DLG2: variants seen among roughly 807,000 people sequenced by gnomAD.
The protein encoded by DLG2 is discs large MAGUK scaffold protein 2.
A neutral mutation model predicts 132.5 loss-of-function variants in DLG2; 45 were observed. That is an observed-to-expected ratio of 0.34 (90% CI 0.27 to 0.44). DLG2 has a LOEUF of 0.44. Among genes scored for constraint, DLG2 ranks in the 20% least tolerant of loss-of-function variants. The probability of loss-of-function intolerance (pLI) is 1.00; values close to 1 mark genes in which losing one functional copy is unlikely to be tolerated. For missense variants in DLG2, 1,045 were observed against 1,196.9 expected, an observed-to-expected ratio of 0.87 and a Z score of 1.87; for synonymous variants, 424 against 419.6, an observed-to-expected ratio of 1.01 and a Z score of -0.13.
chr11:85,384,966 A>G (rs978377111), intron 3 of DLG2, among the ~76,000 whole-genome samples: 2 of 152,240 alleles, frequency 1.3e-5, no homozygotes, highest in African/African-American at 4.8e-5. Flanking sequence ...ATGAGAAAAA[A>G]TAAAATTACA....
intron 6 of DLG2, among the ~76,000 whole-genome samples, chr11:84,984,865 G>T (rs952462786): frequency 6.6e-6 from 1 of 152,106 alleles, no homozygotes; most frequent in African/African-American, 2.4e-5. Context: ...AAAATTTAAA[G>T]CAACAGCAGT....
intron 11 of DLG2, among the ~76,000 whole-genome samples, chr11:84,042,615 T>G (rs1196598662): frequency 6.6e-6 from 1 of 151,932 alleles, no homozygotes; most frequent in African/African-American, 2.4e-5. Flanking sequence ...ATCAAGTTTA[T>G]TCTCTTCTTT....
chr11:84,026,499 T>G (rs1025907110), intron 11 of DLG2, among the ~76,000 whole-genome samples: 1 of 152,096 alleles, frequency 6.6e-6, no homozygotes, highest in Non-Finnish European at 1.5e-5. Flanking sequence ...ATCAGAGAAA[T>G]AAGCAAAATA....
intron 9 of DLG2, among the ~76,000 whole-genome samples, chr11:84,115,258 T>C (rs1388461102): frequency 2.0e-5 from 3 of 152,326 alleles, no homozygotes; most frequent in Admixed American, 2.0e-4. Context: ...TATTCATTGG[T>C]ATTCAAACAA....
chr11:83,554,323 G>T (rs6592126), intron 19 of DLG2, among the ~76,000 whole-genome samples: 2,295 of 152,266 alleles, frequency 0.015, 60 homozygotes, highest in African/African-American at 0.052. Context: ...GAAAATGTTT[G>T]TAAGACTTGG....
At chr11:83,954,122 A>C (rs1016647273) in intron 14 of DLG2, among the ~76,000 whole-genome samples, 2 of 152,188 alleles carry the variant, frequency 1.3e-5, no homozygotes, top group African/African-American at 4.8e-5. Flanking sequence ...AATGATAAAT[A>C]TCTATAGGAG....
At chr11:83,634,870 G>A (rs764758790) in intron 18 of DLG2, among the ~76,000 whole-genome samples, 48 of 152,294 alleles carry the variant, frequency 3.2e-4, no homozygotes, top group Non-Finnish European at 5.4e-4. Flanking sequence ...TAGTTGGCTG[G>A]AAATTTCTGG....
chr11:83,799,728 G>A (rs1376634721), intron 17 of DLG2, among the ~76,000 whole-genome samples: 1 of 152,162 alleles, frequency 6.6e-6, no homozygotes. Flanking sequence ...TGGAGAGTGG[G>A]TTTGGGTGGG....
chr11:85,351,877 T>G (rs1288453558), intron 3 of DLG2, among the ~76,000 whole-genome samples: 1 of 152,208 alleles, frequency 6.6e-6, no homozygotes, highest in Non-Finnish European at 1.5e-5. Context: ...TCTCTTTTTT[T>G]GTTGCGTCCC....
At chr11:84,048,267 T>C (rs575187121) in intron 11 of DLG2, among the ~76,000 whole-genome samples, 2 of 151,750 alleles carry the variant, frequency 1.3e-5, no homozygotes, top group African/African-American at 4.8e-5. Flanking sequence ...AGTTCACCAC[T>C]TTCTTTCTTA....
chr11:84,083,198 T>A (rs2096928172), intron 10 of DLG2, among the ~76,000 whole-genome samples: 1 of 152,166 alleles, frequency 6.6e-6, no homozygotes, highest in South Asian at 2.1e-4. Context: ...GAGAATCGCT[T>A]GAACCCAGGA....
chr11:84,479,913 C>T (rs1011198845), intron 7 of DLG2, among the ~76,000 whole-genome samples: 1 of 152,074 alleles, frequency 6.6e-6, no homozygotes, highest in African/African-American at 2.4e-5. Flanking sequence ...AAGATATTGG[C>T]ACTTAAGGGA....
intron 2 of DLG2, among the ~76,000 whole-genome samples, chr11:85,613,618 T>C (rs1248154177): frequency 6.6e-6 from 1 of 152,122 alleles, no homozygotes; most frequent in Non-Finnish European, 1.5e-5. Context: ...AGCTAAAGGT[T>C]TGTAAATGCA....
At chr11:84,825,448 A>G (rs1052149316) in intron 6 of DLG2, among the ~76,000 whole-genome samples, 2 of 151,926 alleles carry the variant, frequency 1.3e-5, no homozygotes, top group African/African-American at 4.8e-5. Context: ...GTTTCTTCTT[A>G]AAGAGACACC....
At chr11:84,219,130 T>C (rs948254938) in intron 8 of DLG2, among the ~76,000 whole-genome samples, 1 of 152,232 alleles carries the variant, frequency 6.6e-6, no homozygotes, top group Non-Finnish European at 1.5e-5. Flanking sequence ...AATTTCTGAA[T>C]GTAATTCCAA....
intron 14 of DLG2, among the ~76,000 whole-genome samples, chr11:83,931,475 C>T (rs1390136320): frequency 6.6e-6 from 1 of 152,124 alleles, no homozygotes; most frequent in Non-Finnish European, 1.5e-5. Context: ...ATGATGTTTC[C>T]AATTTTCTCC....
intron 6 of DLG2, among the ~76,000 whole-genome samples, chr11:84,983,884 G>A (rs1566574836): frequency 6.6e-6 from 1 of 151,982 alleles, no homozygotes; most frequent in Non-Finnish European, 1.5e-5. Flanking sequence ...AATCGAAGAA[G>A]CAGAAGAAAG....
At chr11:85,322,640 A>T (rs1173865446) in intron 3 of DLG2, among the ~76,000 whole-genome samples, 1 of 152,150 alleles carries the variant, frequency 6.6e-6, no homozygotes, top group Non-Finnish European at 1.5e-5. Flanking sequence ...AACCAAAAAC[A>T]AAAACAATAA....
intron 18 of DLG2, among the ~76,000 whole-genome samples, chr11:83,694,123 G>T (rs1008731790): frequency 1.3e-5 from 2 of 152,184 alleles, no homozygotes; most frequent in Non-Finnish European, 2.9e-5. Context: ...AAGCAAAGCC[G>T]TGTCCCCAGG....
Sources: allele counts gnomAD v4.1 joint callset (sites outside exome capture counted in the v4.1 genomes callset), GRCh38; gene constraint gnomAD v4.1.1; transcripts MANE v1.5; gene names NCBI Gene and HGNC (gene_info 2026-07-23, HGNC 2026-07-21).